The following MYO1E variants were observed in gnomAD, a reference collection of about 807,000 sequenced individuals.
MYO1E encodes the protein unconventional myosin-Ie.
A neutral mutation model predicts 151.1 loss-of-function variants in MYO1E; 68 were observed. That is an observed-to-expected ratio of 0.45 (90% CI 0.37 to 0.55). The LOEUF (loss-of-function observed/expected upper bound fraction) is 0.55, where lower values mean the gene tolerates loss of function less well. Ranked by LOEUF, MYO1E falls within the 20% of genes least tolerant of loss-of-function variation. The pLI is 0.00. For missense variants in MYO1E, 1,363 were observed against 1,389.3 expected, an observed-to-expected ratio of 0.98 and a Z score of 0.30; for synonymous variants, 601 against 501.7, an observed-to-expected ratio of 1.20 and a Z score of -2.64.
At chr15:59,336,946 G>C (rs2080732591) in intron 1 of MYO1E, among the ~76,000 whole-genome samples, 1 of 151,950 alleles carries the variant, frequency 6.6e-6, no homozygotes, top group Non-Finnish European at 1.5e-5. Flanking sequence ...TGGCTGCATA[G>C]TATTCCACAG....
At chr15:59,314,405 TC>T (rs2080572754) in intron 1 of MYO1E, among the ~76,000 whole-genome samples, 1 of 152,194 alleles carries the variant, frequency 6.6e-6, no homozygotes, top group Non-Finnish European at 1.5e-5. Flanking sequence ...CATCCCTCCT[TC>T]CCACATACTG....
At chr15:59,160,415 T>C (rs1312261664) in intron 24 of MYO1E, among the ~76,000 whole-genome samples, 3 of 150,812 alleles carry the variant, frequency 2.0e-5, no homozygotes, top group Admixed American at 2.0e-4. Flanking sequence ...TTCTTTTTTT[T>C]AATGAGGCAG....
chr15:59,293,481 G>A (rs1411351096), intron 1 of MYO1E, among the ~76,000 whole-genome samples: 1 of 151,878 alleles, frequency 6.6e-6, no homozygotes, highest in African/African-American at 2.4e-5. Flanking sequence ...GGGAGGTGGA[G>A]GTTGCAGTGA....
At chr15:59,232,666 C>A (rs927327694) in intron 5 of MYO1E, among the ~76,000 whole-genome samples, 2 of 152,226 alleles carry the variant, frequency 1.3e-5, no homozygotes, top group Non-Finnish European at 2.9e-5. Context: ...AGTCTTCTGG[C>A]TTGTGCTCTT....
chr15:59,250,416 C>T (rs1239555600), intron 4 of MYO1E, among the ~76,000 whole-genome samples: 2 of 152,184 alleles, frequency 1.3e-5, no homozygotes, highest in African/African-American at 4.8e-5. Context: ...AGTATTGTCA[C>T]ACCTCATACC....
At chr15:59,214,805 C>T in intron 10 of MYO1E, 85 bp from the exon 11 acceptor site, 1 of 1,033,864 alleles carries the variant, frequency 9.7e-7, no homozygotes, top group Non-Finnish European at 1.5e-6. Context: ...AAGCTGGATT[C>T]TACACGGCAA....
At chr15:59,293,728 A>G (rs1327971813) in intron 1 of MYO1E, among the ~76,000 whole-genome samples, 2 of 152,290 alleles carry the variant, frequency 1.3e-5, no homozygotes, top group South Asian at 2.1e-4. Context: ...TGATGTAGCA[A>G]AAACAAAACA....
chr15:59,187,625 TAC>T (rs1387384631), intron 18 of MYO1E, among the ~76,000 whole-genome samples: 1 of 152,204 alleles, frequency 6.6e-6, no homozygotes, highest in African/African-American at 2.4e-5. Flanking sequence ...TAAAAACTTG[TAC>T]ACAGATTTTC....
At chr15:59,365,771 T>C (rs746224563) in intron 1 of MYO1E, among the ~76,000 whole-genome samples, 13 of 151,890 alleles carry the variant, frequency 8.6e-5, no homozygotes, top group Non-Finnish European at 1.3e-4. Context: ...TTCAGAGCAG[T>C]TCTTATACTT....
At chr15:59,178,673 C>T (rs1293146307) in intron 18 of MYO1E, 136 bp from the exon 19 acceptor site, 17 of 1,220,944 alleles carry the variant, frequency 1.4e-5, no homozygotes, top group South Asian at 7.7e-5. Context: ...TACCAGCGTT[C>T]GAAGGCTCAG....
At chr15:59,371,055 T>C (rs566377381) in intron 1 of MYO1E, among the ~76,000 whole-genome samples, 9 of 152,264 alleles carry the variant, frequency 5.9e-5, no homozygotes, top group South Asian at 4.1e-4. Context: ...GAAGAGGAAA[T>C]GTATAGACAA....
rs1475511830 is a variant in MYO1E, at chr15:59,174,214, C to G, written c.2076G>C (p.Glu692Asp). 1 of 1,613,684 alleles carries G rather than the reference C, an allele frequency of 6.2e-7. No individual in the cohort carries two copies. Among genetic ancestry groups the G allele is most frequent in the South Asian group, 1.1e-5 (1 of 91,066 alleles). ...CTCGAGCATACCCATCATACTTTCT[C>G]TCTCTCATCTCTTCTAAAAGAAATA... ...ESLFLLEEMR[E>D]RKYDGYARVI... The change falls in exon 20 of 28, where the codon GAG becomes GAC. Residue 692 changes from glutamate (E) to aspartate (D), a missense_variant. Physicochemically the swap from Glu to Asp is conservative, Grantham distance 45. Transcript: ENST00000288235.
intron 26 of MYO1E, among the ~76,000 whole-genome samples, chr15:59,139,784 T>G (rs575460537): frequency 6.7e-6 from 1 of 150,106 alleles, no homozygotes; most frequent in Non-Finnish European, 1.5e-5. Flanking sequence ...TCCTCACACT[T>G]CCCTCCGACC....
At chr15:59,272,251 AC>A in intron 2 of MYO1E, 54 bp downstream of exon 2, 1 of 1,599,710 alleles carries the variant, frequency 6.3e-7, no homozygotes, top group African/African-American at 1.3e-5. Context: ...CCACAATTTA[AC>A]TGTGGACACT....
intron 1 of MYO1E, among the ~76,000 whole-genome samples, chr15:59,338,484 G>T (rs1412236519): frequency 6.6e-6 from 1 of 152,026 alleles, no homozygotes; most frequent in Non-Finnish European, 1.5e-5. Flanking sequence ...TTTCCTCTCT[G>T]GTTTTAGAAC....
intron 1 of MYO1E, among the ~76,000 whole-genome samples, chr15:59,298,110 C>A (rs950401356): frequency 6.6e-6 from 1 of 152,132 alleles, no homozygotes; most frequent in Non-Finnish European, 1.5e-5. Flanking sequence ...TTCCCCACTG[C>A]GTAATTTTTC....
chr15:59,296,573 CGTGCTGGTAGGTGTCTCTCTGCAGGCACT>C, intron 1 of MYO1E, among the ~76,000 whole-genome samples: 1 of 152,266 alleles, frequency 6.6e-6, no homozygotes, highest in Non-Finnish European at 1.5e-5. Context: ...ACAGTCGGGA[CGTGCTGGTAGGTGTCTCTCTGCAGGCACT>C]GTCCACATCA....
intron 1 of MYO1E, among the ~76,000 whole-genome samples, chr15:59,302,622 G>A (rs915671778): frequency 2.0e-5 from 3 of 152,100 alleles, no homozygotes; most frequent in East Asian, 3.8e-4. Flanking sequence ...TTGACTAGGC[G>A]CTGCATGCCA....
chr15:59,341,923 T>C (rs1316267786), intron 1 of MYO1E, among the ~76,000 whole-genome samples: 1 of 152,242 alleles, frequency 6.6e-6, no homozygotes, highest in Non-Finnish European at 1.5e-5. Flanking sequence ...AGCTCTGTTT[T>C]TAGTTTTTAA....
Sources: allele counts gnomAD v4.1 joint callset (sites outside exome capture counted in the v4.1 genomes callset), GRCh38; gene constraint gnomAD v4.1.1; transcripts MANE v1.5; gene names NCBI Gene and HGNC (gene_info 2026-07-23, HGNC 2026-07-21).